The following GYS2 variants were observed in gnomAD, a reference collection of about 807,000 sequenced individuals.
GYS2 encodes glycogen [starch] synthase, liver.
A neutral mutation model predicts 85.6 loss-of-function variants in GYS2; 80 were observed. The observed-to-expected ratio is 0.93, with a 90% CI of 0.78 to 1.13. The LOEUF is 1.13. GYS2 is among the 50% of genes most tolerant of loss of function. The probability of loss-of-function intolerance (pLI) is 0.00; values close to 1 mark genes in which losing one functional copy is unlikely to be tolerated. For synonymous variants in GYS2, 328 were observed against 300.7 expected (o/e 1.09, Z -0.94); for missense variants, 881 against 854.9 (o/e 1.03, Z -0.38).
At position 21,559,726 on chromosome 12, in the gene GYS2, A is replaced by G; in HGVS notation, c.1170-16T>C. ...TGCAACATCCCTGTTTGAAACAGAA[A>G]GATTTATCATTTAAACAGTATGACA... On this transcript the variant is annotated splice_polypyrimidine_tract_variant and intron_variant, in intron 8 of 15. Coordinates refer to ENST00000261195, the MANE Select transcript of GYS2 (RefSeq NM_021957.4). 2 of 1,518,192 alleles carry G rather than the reference A, an allele frequency of 1.3e-6. No homozygotes were observed. Among genetic ancestry groups the G allele is most frequent in the South Asian group, 2.2e-5 (2 of 89,040 alleles). The allele number at this position is 1,518,192 out of a possible 1,614,324, so 94.0% of individuals were successfully genotyped here.
intron 1 of GYS2, among the ~76,000 whole-genome samples, chr12:21,596,417 C>T (rs1944697512): frequency 1.3e-5 from 2 of 151,794 alleles, no homozygotes; most frequent in South Asian, 4.2e-4. Flanking sequence ...AAGCAGGTTC[C>T]ATGCCAGGGA....
chr12:21,542,686 T>C (rs907935488), intron 12 of GYS2, 95 bp from the exon 13 acceptor site: 4 of 766,704 alleles, frequency 5.2e-6, no homozygotes, highest in Middle Eastern at 2.9e-4. Context: ...CTCCTAAGAA[T>C]AGCAATGTTC....
At chr12:21,579,927 T>C (rs1039406698) in intron 2 of GYS2, among the ~76,000 whole-genome samples, 2 of 152,230 alleles carry the variant, frequency 1.3e-5, no homozygotes, top group Non-Finnish European at 2.9e-5. Flanking sequence ...ACATCCTTGG[T>C]TGTACATCAT....
chr12:21,567,098 A>G (rs1200490099), intron 5 of GYS2, among the ~76,000 whole-genome samples: 1 of 152,134 alleles, frequency 6.6e-6, no homozygotes, highest in East Asian at 1.9e-4. Flanking sequence ...AAAATAAAAA[A>G]CATTAGATGA....
chr12:21,569,430 T>C (rs117799623), intron 4 of GYS2, among the ~76,000 whole-genome samples: 1,877 of 152,304 alleles, frequency 0.012, 15 homozygotes, highest in Middle Eastern at 0.031. Context: ...ATAAGAATAA[T>C]TATTATAATG....
intron 1 of GYS2, among the ~76,000 whole-genome samples, chr12:21,591,271 G>A (rs528543778): frequency 6.6e-6 from 1 of 152,152 alleles, no homozygotes; most frequent in South Asian, 2.1e-4. Context: ...ATATGAATGA[G>A]AAATTTACCC....
At chr12:21,576,990 T>C (rs1300589191) in intron 2 of GYS2, among the ~76,000 whole-genome samples, 1 of 152,150 alleles carries the variant, frequency 6.6e-6, no homozygotes, top group African/African-American at 2.4e-5. Context: ...GCTTACATAT[T>C]GACACTTATG....
intron 12 of GYS2, among the ~76,000 whole-genome samples, chr12:21,543,643 G>A (rs1591778341): frequency 6.6e-6 from 1 of 152,028 alleles, no homozygotes; most frequent in East Asian, 1.9e-4. Context: ...TCGTTACATA[G>A]GTATACATGT....
At chr12:21,546,618 AG>A (rs1315302625) in intron 11 of GYS2, 148 bp from the exon 12 acceptor site, 35 of 594,954 alleles carry the variant, frequency 5.9e-5, no homozygotes, top group Non-Finnish European at 9.6e-5. Flanking sequence ...CAAAAGAAAA[AG>A]AAAAAAGCCG....
Position 21,560,507 on chromosome 12 carries a change from G to C in GYS2, c.1063-15C>G, listed in dbSNP as rs150691568. The C allele has an allele frequency of 6.5e-4, 746 of 1,141,222 alleles. 12 individuals are homozygous for C. In the East Asian group the frequency reaches 0.016, roughly 24 times the overall value. 70.7% of individuals were successfully genotyped at this position (1,141,222 alleles called of 1,614,324 possible). A position where few individuals can be genotyped will look rare whatever the true frequency, so the allele number is the denominator to read the frequency against. On this transcript the variant is annotated splice_polypyrimidine_tract_variant and intron_variant, in intron 7 of 15. Coordinates refer to ENST00000261195, the MANE Select transcript of GYS2 (RefSeq NM_021957.4). ...CTTTTATGCATCTGATGAGGAATTA[G>C]AAAACACAGAGTCAACTATCAAAGA...
intron 5 of GYS2, 27 bp from the exon 6 acceptor site, chr12:21,563,372 G>T: frequency 8.7e-7 from 1 of 1,148,600 alleles, no homozygotes; most frequent in Non-Finnish European, 1.3e-6. Flanking sequence ...AAATTATTAT[G>T]AAAATTCTCT....
rs772011293 is a variant in GYS2 at position 21,540,505 on chromosome 12, A to G, written c.1714T>C (p.Tyr572His). ...CGGCGTGACTGTTTGCAAAATCCAT[A>G]GAGAAACTTAGTCAGCTGATTGCAA... is the stretch of plus-strand genomic sequence containing the variant. Reference protein sequence around the residue: ...DSCNQLTKFLYGFCKQSRRQR... With the variant: ...DSCNQLTKFLHGFCKQSRRQR... Residue 572 changes from tyrosine (Y) to histidine (H), a missense_variant, in exon 14 of 16, where the codon TAT (tyrosine) becomes CAT (histidine). Physicochemically the swap from Tyr to His is moderately conservative, Grantham distance 83. Transcript: ENST00000261195. 6.2e-7 allele frequency: 1 copy of G among 1,613,898 alleles called. No homozygotes were observed. The highest frequency in any genetic ancestry group is 8.5e-7 in the Non-Finnish European group (1 of 1,179,812).
intron 1 of GYS2, among the ~76,000 whole-genome samples, chr12:21,596,461 G>T (rs2136933436): frequency 6.6e-6 from 1 of 152,038 alleles, no homozygotes; most frequent in South Asian, 2.1e-4. Context: ...AAGTCAATAA[G>T]TGTGATACAC....
At chr12:21,541,298 A>AAAT (rs1943973457) in intron 13 of GYS2, among the ~76,000 whole-genome samples, 1 of 148,276 alleles carries the variant, frequency 6.7e-6, no homozygotes, top group Non-Finnish European at 1.5e-5. Context: ...AAAACAAAAA[A>AAAT]CCCAGGGAAA....
chr12:21,589,739 A>T (rs1944613792), intron 1 of GYS2, among the ~76,000 whole-genome samples: 1 of 152,150 alleles, frequency 6.6e-6, no homozygotes, highest in Admixed American at 6.5e-5. Flanking sequence ...TCCCTTGACC[A>T]TGCAGGCCTT....
chr12:21,583,962 G>A (rs1375714223), intron 1 of GYS2, among the ~76,000 whole-genome samples: 3 of 152,222 alleles, frequency 2.0e-5, no homozygotes, highest in Non-Finnish European at 4.4e-5. Flanking sequence ...CCCTGAGACT[G>A]CACCGATGGT....
chr12:21,540,523 G>C lies in GYS2; in HGVS notation c.1696C>G (p.Gln566Glu), dbSNP rs759902590. The C allele has an allele frequency of 6.2e-7, 1 of 1,613,880 alleles. No homozygotes were observed. Among genetic ancestry groups the C allele is most frequent in the African/African-American group, 1.3e-5 (1 of 75,050 alleles). The change falls in exon 14 of 16, where the codon CAG becomes GAG. Residue 566 changes from glutamine (Q) to glutamate (E), a missense_variant. By Grantham distance (29) the Gln-to-Glu change is conservative (BLOSUM62 2). Coordinates refer to ENST00000261195, the MANE Select transcript of GYS2 (RefSeq NM_021957.4). Reference sequence around the variant, plus strand: ...AATCCATAGAGAAACTTAGTCAGCTGATTGCAAGAATCATCTGGAGAACGG... The same window carrying C: ...AATCCATAGAGAAACTTAGTCAGCTCATTGCAAGAATCATCTGGAGAACGG... Reference protein sequence around the residue: ...RFRSPDDSCNQLTKFLYGFCK... With the variant: ...RFRSPDDSCNELTKFLYGFCK...
At chr12:21,578,036 G>A (rs1944466217) in intron 2 of GYS2, among the ~76,000 whole-genome samples, 1 of 152,060 alleles carries the variant, frequency 6.6e-6, no homozygotes, top group Non-Finnish European at 1.5e-5. Context: ...AGCTACTCAG[G>A]ATCATGACTG....
chr12:21,603,599 A>C (rs1166410856), intron 1 of GYS2, among the ~76,000 whole-genome samples: 2 of 152,128 alleles, frequency 1.3e-5, no homozygotes, highest in African/African-American at 4.8e-5. Context: ...ACATAATTTC[A>C]GATCGTTTAA....
Sources: allele counts gnomAD v4.1 joint callset (sites outside exome capture counted in the v4.1 genomes callset), GRCh38; gene constraint gnomAD v4.1.1; transcripts MANE v1.5; gene names NCBI Gene and HGNC (gene_info 2026-07-23, HGNC 2026-07-21).